The following RAB27B variants were observed in gnomAD, a reference collection of about 807,000 sequenced individuals.
RAB27B encodes ras-related protein Rab-27B.
A neutral mutation model predicts 24.6 loss-of-function variants in RAB27B; 15 were observed. The ratio of observed to expected loss-of-function variants is 0.61; its 90% CI spans 0.41 to 0.94. The LOEUF (loss-of-function observed/expected upper bound fraction) is 0.94, where lower values mean the gene tolerates loss of function less well. Among genes scored for constraint, RAB27B ranks in the 40% least tolerant of loss-of-function variants. RAB27B has a pLI of 0.00. For synonymous variants in RAB27B, 105 were observed against 92.5 expected (o/e 1.14, Z -0.78); for missense variants, 261 against 266.8 (o/e 0.98, Z 0.15).
chr18:54,728,933 A>C (rs950111505), intron 2 of RAB27B, among the ~76,000 whole-genome samples: 3 of 139,732 alleles, frequency 2.1e-5, no homozygotes, highest in African/African-American at 5.1e-5. Context: ...ACCACCACCA[A>C]AGGAAACCTG....
chr18:54,798,820 C>T (rs995701001), intron 2 of RAB27B, among the ~76,000 whole-genome samples: 2 of 152,142 alleles, frequency 1.3e-5, no homozygotes, highest in Non-Finnish European at 2.9e-5. Context: ...TTATTAAGAA[C>T]TAATGTAGTG....
At chr18:54,789,577 A>T (rs4801073) in intron 2 of RAB27B, among the ~76,000 whole-genome samples, 15 of 151,844 alleles carry the variant, frequency 9.9e-5, no homozygotes, top group African/African-American at 3.6e-4. Flanking sequence ...TTACCTCTAC[A>T]TTCTTTTTTC....
At chr18:54,759,706 G>T (rs1568055513) in intron 2 of RAB27B, among the ~76,000 whole-genome samples, 2 of 152,182 alleles carry the variant, frequency 1.3e-5, no homozygotes, top group Admixed American at 1.3e-4. Context: ...AAAAGCCCAG[G>T]CTCTACTGGC....
intron 2 of RAB27B, among the ~76,000 whole-genome samples, chr18:54,762,556 A>G (rs2145053227): frequency 6.6e-6 from 1 of 152,272 alleles, no homozygotes; most frequent in South Asian, 2.1e-4. Flanking sequence ...TAGGCAATCC[A>G]AAGCACAATC....
At chr18:54,749,419 C>T (rs1192960518) in intron 2 of RAB27B, among the ~76,000 whole-genome samples, 1 of 152,122 alleles carries the variant, frequency 6.6e-6, no homozygotes, top group East Asian at 1.9e-4. Context: ...TTCCTTCCAG[C>T]CCAAATCCCT....
chr18:54,868,965 C>T (rs528901964), intron 1 of RAB27B, among the ~76,000 whole-genome samples: 1 of 152,322 alleles, frequency 6.6e-6, no homozygotes, highest in African/African-American at 2.4e-5. Flanking sequence ...GAATCTGAAA[C>T]AGCAAATTTG....
rs528040487 is a variant in RAB27B at position 54,893,689 on chromosome 18, C to G, written c.*4276C>G. ...CTTGTCTCATAAAGTAGAACTGATA[C>G]AAATTTTGGTTGGATATATAGAGAA... is the stretch of plus-strand genomic sequence containing the variant. On this transcript the variant is annotated 3_prime_UTR_variant, in exon 6 of 6. Transcript: ENST00000262094. 1 of 151,922 alleles carries G rather than the reference C, an allele frequency of 6.6e-6. No individual in the cohort carries two copies. The highest frequency in any genetic ancestry group is 2.4e-5 in the African/African-American group (1 of 41,416). The allele number at this position is 151,922 out of a possible 1,614,324, so 9.4% of individuals were successfully genotyped here.
At chr18:54,833,457 C>G (rs1220483873) in intron 1 of RAB27B, among the ~76,000 whole-genome samples, 2 of 152,076 alleles carry the variant, frequency 1.3e-5, no homozygotes, top group Non-Finnish European at 2.9e-5. Context: ...GAACTCCTGA[C>G]CTCAGGTGAT....
At chr18:54,825,660 T>C (rs1910448002), upstream of RAB27B, among the ~76,000 whole-genome samples, 1 of 152,196 alleles carries the variant, frequency 6.6e-6, no homozygotes, top group African/African-American at 2.4e-5. Context: ...AAGGCATGTG[T>C]TCAGTTCATC....
intron 2 of RAB27B, among the ~76,000 whole-genome samples, chr18:54,779,017 T>A (rs1164269134): frequency 6.6e-6 from 1 of 152,072 alleles, no homozygotes; most frequent in East Asian, 1.9e-4. Context: ...TTTTTGTATT[T>A]TTAGTAAAGA....
chr18:54,847,340 G>C (rs1911379420), intron 1 of RAB27B, among the ~76,000 whole-genome samples: 1 of 152,140 alleles, frequency 6.6e-6, no homozygotes, highest in Non-Finnish European at 1.5e-5. Context: ...AAACTGGAAG[G>C]GGAGATATGT....
chr18:54,727,749 T>C (rs1909585224), intron 2 of RAB27B, among the ~76,000 whole-genome samples: 1 of 152,228 alleles, frequency 6.6e-6, no homozygotes, highest in Non-Finnish European at 1.5e-5. Context: ...CCACAGCATT[T>C]AGCAACAGCA....
chr18:54,867,446 T>TCTTTTCTTTTCTTTTCTTTTC (rs1555666341), intron 1 of RAB27B, among the ~76,000 whole-genome samples: 48 of 88,350 alleles, frequency 5.4e-4, no homozygotes, highest in African/African-American at 1.6e-3. Context: ...TCTTTTCTTT[T>TCTTTTCTTTTCTTTTCTTTTC]TTTTTTTTTT....
At chr18:54,776,736 G>C (rs1837595909) in intron 2 of RAB27B, among the ~76,000 whole-genome samples, 1 of 152,172 alleles carries the variant, frequency 6.6e-6, no homozygotes, top group South Asian at 2.1e-4. Flanking sequence ...CCAGCACCAT[G>C]TCAGTCACAC....
At chr18:54,730,878 G>A (rs1220623153) in intron 2 of RAB27B, among the ~76,000 whole-genome samples, 2 of 152,068 alleles carry the variant, frequency 1.3e-5, no homozygotes, top group African/African-American at 2.4e-5. Flanking sequence ...ATGCAAGAAC[G>A]TACTAACACA....
At chr18:54,755,685 A>G (rs1907982821) in intron 2 of RAB27B, among the ~76,000 whole-genome samples, 1 of 152,232 alleles carries the variant, frequency 6.6e-6, no homozygotes, top group South Asian at 2.1e-4. Context: ...TTATTGTGCA[A>G]ATGCCTCATC....
At chr18:54,880,235 G>A (rs1045958014) in intron 3 of RAB27B, 14 of 152,088 alleles carry the variant, frequency 9.2e-5, no homozygotes, top group African/African-American at 3.4e-4. Context: ...ATTGTCTCTG[G>A]TACAGTGTCC....
intron 2 of RAB27B, among the ~76,000 whole-genome samples, chr18:54,818,124 TCCAATG>T (rs1323277387): frequency 6.6e-6 from 1 of 152,164 alleles, no homozygotes; most frequent in Non-Finnish European, 1.5e-5. Flanking sequence ...GTTCCTGTTC[TCCAATG>T]CCAATTACCT....
intron 1 of RAB27B, among the ~76,000 whole-genome samples, chr18:54,850,357 T>TATATATAC (rs1264669719): frequency 2.3e-5 from 3 of 130,564 alleles, no homozygotes; most frequent in Admixed American, 2.3e-4. Flanking sequence ...TATATATATA[T>TATATATAC]ATACATACAT....
Sources: gnomAD v4.1 joint callset for allele counts (sites outside exome capture counted in the v4.1 genomes callset) on GRCh38, gnomAD v4.1.1 for gene constraint, MANE v1.5 for transcripts, NCBI Gene and HGNC (gene_info 2026-07-23, HGNC 2026-07-21) for gene names.